The following CACNA1G variants were observed in gnomAD, a reference collection of about 807,000 sequenced individuals.
CACNA1G encodes voltage-dependent T-type calcium channel subunit alpha-1G.
Under a neutral mutation model 219.4 loss-of-function variants are expected in CACNA1G, and 67 were observed. The observed-to-expected ratio is 0.31, with a 90% confidence interval of 0.25 to 0.37. The LOEUF (loss-of-function observed/expected upper bound fraction) is 0.37. CACNA1G is among the 10% of genes least tolerant of loss of function. CACNA1G has a pLI of 1.00. For missense variants in CACNA1G, 2,380 were observed against 3,231.4 expected, an observed-to-expected ratio of 0.74 and a Z score of 6.39; for synonymous variants, 1,296 against 1,345.3, an observed-to-expected ratio of 0.96 and a Z score of 0.80.
In CACNA1G at chr17:50,618,963, G is replaced by A. The variant is rs1244954300; in HGVS notation, c.5736G>A (p.Ala1912=). 4 of 1,560,382 alleles carry A rather than the reference G, an allele frequency of 2.6e-6. No individual in the cohort carries two copies. The highest frequency in any genetic ancestry group is 4.5e-5 in the East Asian group (2 of 44,254). The stretch of plus-strand genomic sequence containing the variant: ...CCAAGCCTGGGGCTCTGCACCCAGC[G>A]GCCCACGCGAGATCAGCCTCCCACT... ...DSPKPGALHP[A]AHARSASHFS... The change falls in exon 33 of 38, where the codon GCG becomes GCA. Residue 1912 remains alanine, a synonymous_variant. Coordinates refer to ENST00000359106, the MANE Select transcript of CACNA1G (RefSeq NM_018896.5). The surrounding 1 kb of genome is among the most constrained non-coding windows in gnomAD (Gnocchi z 5.3).
chr17:50,620,797 C>T (rs2051685463), intron 34 of CACNA1G, among the ~76,000 whole-genome samples: 1 of 152,184 alleles, frequency 6.6e-6, no homozygotes, highest in Non-Finnish European at 1.5e-5. Context: ...CTGGCAATGA[C>T]CTAGAATGAT....
intron 25 of CACNA1G, among the ~76,000 whole-genome samples, chr17:50,608,739 G>A (rs930818198): frequency 6.6e-6 from 1 of 152,044 alleles, no homozygotes; most frequent in Non-Finnish European, 1.5e-5. Context: ...TATGCCATGG[G>A]TGGGCCGAGA....
At chr17:50,568,226 T>C (rs2038453397) in intron 1 of CACNA1G, among the ~76,000 whole-genome samples, 1 of 152,044 alleles carries the variant, frequency 6.6e-6, no homozygotes, top group African/African-American at 2.4e-5. Flanking sequence ...TGAGCAGCTA[T>C]GGTGTGCAGA....
At chr17:50,614,168 C>T (rs2049915973) in intron 26 of CACNA1G, among the ~76,000 whole-genome samples, 2 of 152,344 alleles carry the variant, frequency 1.3e-5, no homozygotes, top group Non-Finnish European at 2.9e-5. Flanking sequence ...CGCTCCTTGC[C>T]TCAGTTTACC....
At position 50,615,346 on chromosome 17, in the gene CACNA1G, C is replaced by T. The variant is rs745480722; in HGVS notation, c.4760-15C>T. The stretch of plus-strand genomic sequence containing the variant: ...GGGCCTGACGCTTGCTCTGCTCTTC[C>T]CCCTGCCCCATCAGAAGCCCAGTGC... On this transcript the variant is annotated splice_polypyrimidine_tract_variant and intron_variant, in intron 26 of 37. Transcript: ENST00000359106. 3 of 1,577,790 alleles carry T rather than the reference C, an allele frequency of 1.9e-6. No homozygotes were observed. The highest frequency in any genetic ancestry group is 2.6e-6 in the Non-Finnish European group (3 of 1,155,110).
At chr17:50,562,140 C>A (rs1260672672) in intron 1 of CACNA1G, 2 of 1,584 alleles carry the variant, frequency 1.3e-3, no homozygotes, top group Admixed American at 8.6e-3. Context: ...TGGGTGGGGG[C>A]GGTGGGGAGG....
At chr17:50,615,608 C>T in intron 27 of CACNA1G, 96 bp downstream of exon 27, 1 of 1,376,810 alleles carries the variant, frequency 7.3e-7, no homozygotes, top group Non-Finnish European at 9.9e-7. Context: ...ACCTCTGTGC[C>T]AAGCAAGTGC....
At chr17:50,573,484 T>C (rs1296206477) in intron 7 of CACNA1G, 1 of 190,390 alleles carries the variant, frequency 5.3e-6, no homozygotes, top group Non-Finnish European at 1.1e-5. Flanking sequence ...TTTAATAGCT[T>C]TATTGAGACA....
intron 9 of CACNA1G, among the ~76,000 whole-genome samples, chr17:50,580,857 G>C (rs534448239): frequency 6.6e-6 from 1 of 152,200 alleles, no homozygotes; most frequent in African/African-American, 2.4e-5. Flanking sequence ...CCCAGAAGCT[G>C]CCATGGCCCT....
At position 50,599,509 on chromosome 17, in the gene CACNA1G, G is replaced by T. The variant is rs201525297; in HGVS notation, c.3340G>T (p.Gly1114Cys). Residue 1114 changes from glycine to cysteine, a missense_variant, in exon 17 of 38, where the codon GGC (glycine) becomes TGC (cysteine). By Grantham distance (159) the Gly-to-Cys change is radical. Transcript: ENST00000359106. ...CAGGCGCTCCAGCCGGAACAGCCTC[G>T]GCCGTGCACCCAGCCTGAAGCGGAG... ...TSRRSSRNSL[G>C]RAPSLKRRSP... 1 of 1,607,038 alleles carries T rather than the reference G, an allele frequency of 6.2e-7. No homozygotes were observed. The highest frequency in any genetic ancestry group is 8.5e-7 in the Non-Finnish European group (1 of 1,177,272).
At position 50,560,978 on chromosome 17, in the gene CACNA1G, C is replaced by T; in HGVS notation, c.-482C>T. Reference sequence around the variant, plus strand: ...TAAAGAGATCCCTCCTCCCCTCCCCCGCCGCCTGGCGCGGAGCCGGGACGA... The same window carrying T: ...TAAAGAGATCCCTCCTCCCCTCCCCTGCCGCCTGGCGCGGAGCCGGGACGA... On this transcript the variant is annotated 5_prime_UTR_variant, in exon 1 of 38. Coordinates refer to ENST00000359106, the MANE Select transcript of CACNA1G (RefSeq NM_018896.5). 3.7e-6 allele frequency: 1 copy of T among 270,696 alleles called. No individual in the cohort carries two copies. The highest frequency in any genetic ancestry group is 3.0e-5 in the South Asian group (1 of 33,666). 16.8% of individuals were successfully genotyped at this position (270,696 alleles called of 1,614,324 possible). A position where few individuals can be genotyped will look rare whatever the true frequency, so the allele number is the denominator to read the frequency against.
At position 50,618,138 on chromosome 17, in the gene CACNA1G, T is replaced by C; in HGVS notation, c.5305+12T>C. ...CTTTGGAGACCTGGGTGAGTTGGGG[T>C]AGGGGAGGGTGGAGGAGCCAGGGCT... On this transcript the variant is annotated intron_variant, in intron 31 of 37. Coordinates refer to ENST00000359106, the MANE Select transcript of CACNA1G (RefSeq NM_018896.5). This position sits in a 1 kb window ranked among gnomAD's most constrained non-coding sequence, Gnocchi z 5.3. 6.2e-7 allele frequency: 1 copy of C among 1,613,562 alleles called. No homozygotes were observed. The highest frequency in any genetic ancestry group is 1.1e-5 in the South Asian group (1 of 91,052).
chr17:50,574,091 G>A lies in CACNA1G; in HGVS notation c.1140+978G>A, dbSNP rs112762511. 3.1e-3 allele frequency among the ~76,000 whole-genome samples: 471 copies of A among 152,318 alleles called. 7 individuals carry two copies. The highest frequency in any genetic ancestry group is 0.011 in the African/African-American group (452 of 41,574). Reference sequence around the variant, plus strand: ...CCTCGTCGTCCCCTGTGAGGTGCCAGGGCAGGGATTGTGGTCCCCATCTCT... The same window carrying A: ...CCTCGTCGTCCCCTGTGAGGTGCCAAGGCAGGGATTGTGGTCCCCATCTCT... On this transcript the variant is annotated intron_variant, in intron 7 of 37. Coordinates refer to ENST00000359106, the MANE Select transcript of CACNA1G (RefSeq NM_018896.5).
chr17:50,606,222 T>C (rs752282088), intron 23 of CACNA1G, 199 bp downstream of exon 23: 20 of 770,976 alleles, frequency 2.6e-5, no homozygotes, highest in Non-Finnish European at 4.4e-5. Context: ...GCCCATGGGG[T>C]CTCTAGCCGT....
intron 33 of CACNA1G, 94 bp downstream of exon 33, chr17:50,619,102 C>T: frequency 1.0e-6 from 1 of 975,808 alleles, no homozygotes; most frequent in Non-Finnish European, 1.5e-6. Flanking sequence ...GCACACAAAC[C>T]CTAGGCTCCT....
chr17:50,592,298 G>T (rs1256529008), intron 13 of CACNA1G, among the ~76,000 whole-genome samples: 1 of 152,170 alleles, frequency 6.6e-6, no homozygotes, highest in African/African-American at 2.4e-5. Context: ...CAGGGTGGTT[G>T]TTTGGGGTCC....
intron 35 of CACNA1G, among the ~76,000 whole-genome samples, chr17:50,623,418 C>T (rs1035836852): frequency 4.6e-5 from 7 of 151,744 alleles, no homozygotes; most frequent in Non-Finnish European, 7.4e-5. Context: ...TGTGCCTGGC[C>T]TGCTGTTAGC....
Position 50,603,887 on chromosome 17 carries a change from C to T in CACNA1G, c.4170-268C>T, listed in dbSNP as rs1383708032. The stretch of plus-strand genomic sequence containing the variant: ...AGGGAACGCCTCACTTGAGTTGAAT[C>T]CTCCCCACTCCCAACCCAAACAGGT... On this transcript the variant is annotated intron_variant, in intron 21 of 37. Transcript: ENST00000359106. The surrounding 1 kb of genome is among the most constrained non-coding windows in gnomAD (Gnocchi z 6.4). Among the ~76,000 whole-genome samples, 1 of 152,160 alleles carries T rather than the reference C, an allele frequency of 6.6e-6. No individual in the cohort carries two copies. Among genetic ancestry groups the T allele is most frequent in the African/African-American group, 2.4e-5 (1 of 41,440 alleles).
chr17:50,626,458 C>G lies in CACNA1G; in HGVS notation c.6841C>G (p.Pro2281Ala), dbSNP rs2053825658. The G allele has an allele frequency of 6.2e-7, 1 of 1,602,256 alleles. No individual in the cohort carries two copies. The highest frequency in any genetic ancestry group is 8.5e-7 in the Non-Finnish European group (1 of 1,175,316). Reference protein sequence around the residue: ...AVSCLDSGSQPHLGTDPSNLG... With the variant: ...AVSCLDSGSQAHLGTDPSNLG... ...CAGCTGCCTGGACAGCGGCTCCCAA[C>G]CCCACCTGGGCACAGACCCCTCTAA... Residue 2281 changes from proline (P) to alanine (A), a missense_variant, in exon 38 of 38, where the codon CCC becomes GCC. Pro to Ala is a conservative substitution (Grantham distance 27). This residue lies in a region of CACNA1G where 672 missense variants were observed against 670.5 expected (regional missense o/e 1.00). Coordinates refer to ENST00000359106, the MANE Select transcript of CACNA1G (RefSeq NM_018896.5). The surrounding 1 kb of genome is among the most constrained non-coding windows in gnomAD (Gnocchi z 4.3).
Sources: allele counts gnomAD v4.1 joint callset (sites outside exome capture counted in the v4.1 genomes callset), GRCh38; gene constraint gnomAD v4.1.1; regional missense constraint gnomAD v4.1.1; non-coding constraint Gnocchi (gnomAD v3.1); transcripts MANE v1.5; gene names NCBI Gene and HGNC (gene_info 2026-07-23, HGNC 2026-07-21).